Variants in CNN1 observed in about 807,000 individuals in gnomAD.
CNN1 encodes the protein calponin-1.
Under a neutral mutation model 35.3 loss-of-function variants are expected in CNN1, and 21 were observed. The ratio of observed to expected loss-of-function variants is 0.60; its 90% confidence interval spans 0.42 to 0.86. CNN1 has a LOEUF of 0.86. CNN1 is among the 40% of genes least tolerant of loss of function. The probability of loss-of-function intolerance (pLI) is 0.00; values close to 1 mark genes in which losing one functional copy is unlikely to be tolerated. For synonymous variants in CNN1, 164 were observed against 161.8 expected, an observed-to-expected ratio of 1.01 and a Z score of -0.10; for missense variants, 314 against 400.8, an observed-to-expected ratio of 0.78 and a Z score of 1.85.
intron 2 of CNN1, among the ~76,000 whole-genome samples, chr19:11,545,506 G>A (rs143811490): frequency 1.2e-3 from 166 of 134,308 alleles, no homozygotes; most frequent in African/African-American, 4.3e-3. Flanking sequence ...GGAGGGGGGA[G>A]TCTGGAGGGG....
chr19:11,543,758 G>C (rs1460988578), intron 2 of CNN1, among the ~76,000 whole-genome samples: 3 of 147,938 alleles, frequency 2.0e-5, no homozygotes, highest in Admixed American at 6.8e-5. Flanking sequence ...ACTCCAGCTT[G>C]GGTGACAGAG....
chr19:11,546,718 G>T lies in CNN1; in HGVS notation c.229G>T (p.Glu77Ter). 6.2e-7 allele frequency: 1 copy of T among 1,614,168 alleles called. No individual in the cohort carries two copies. Among genetic ancestry groups the T allele is most frequent in the South Asian group, 1.1e-5 (1 of 91,088 alleles). ...GCCAGGCTCCGTGAAGAAGATCAATGAGTCAACCCAAAATTGGCACCAGGT... is the reference window on the plus strand; with the variant it reads ...GCCAGGCTCCGTGAAGAAGATCAATTAGTCAACCCAAAATTGGCACCAGGT... ...LQPGSVKKIN[E>*]STQNWHQLEN... The change falls in exon 3 of 7, where the codon GAG (glutamate) becomes TAG (stop). Residue 77 changes from glutamate (E) to a stop codon, truncating the protein, a stop_gained. Transcript: ENST00000252456. LOFTEE classifies it high-confidence loss of function.
intron 1 of CNN1, chr19:11,539,618 C>T: frequency 1.4e-6 from 1 of 725,260 alleles, no homozygotes; most frequent in South Asian, 1.5e-5. Flanking sequence ...AGGATGGGCT[C>T]AGCTTCTCCC....
Position 11,549,616 on chromosome 19 carries a change from G to A in CNN1, c.715G>A (p.Asp239Asn), listed in dbSNP as rs1468230396. 8 of 1,612,166 alleles carry A rather than the reference G, an allele frequency of 5.0e-6. No homozygotes were observed. Among genetic ancestry groups the A allele is most frequent in the Middle Eastern group, 1.7e-4 (1 of 6,056 alleles). ...GCCGGGGCTGGGCATGGAGCACTGCGACACGCTCAATGTCAGCCTGCAGAT... is the reference window on the plus strand; with the variant it reads ...GCCGGGGCTGGGCATGGAGCACTGCAACACGCTCAATGTCAGCCTGCAGAT... Reference protein sequence around the residue: ...FEPGLGMEHCDTLNVSLQMGS... With the variant: ...FEPGLGMEHCNTLNVSLQMGS... The change falls in exon 7 of 7, where the codon GAC (aspartate) becomes AAC (asparagine). Residue 239 changes from aspartate to asparagine, a missense_variant. Physicochemically the swap from Asp to Asn is conservative, Grantham distance 23 (BLOSUM62 1). Coordinates refer to ENST00000252456, the MANE Select transcript of CNN1 (RefSeq NM_001299.6). This position sits in a 1 kb window ranked among gnomAD's most constrained non-coding sequence, Gnocchi z 5.2.
chr19:11,541,714 C>T (rs1291516497), intron 2 of CNN1, among the ~76,000 whole-genome samples: 3 of 151,886 alleles, frequency 2.0e-5, no homozygotes, highest in Admixed American at 2.0e-4. Context: ...TCAGCCTCCC[C>T]AATAGCTGGG....
At chr19:11,545,673 G>A (rs1802867551) in intron 2 of CNN1, among the ~76,000 whole-genome samples, 2 of 151,778 alleles carry the variant, frequency 1.3e-5, no homozygotes, top group South Asian at 4.2e-4. Context: ...CACTGAATGA[G>A]GCCAGGTGCT....
rs1180515004 is a variant in CNN1 at position 11,538,970 on chromosome 19, T to A, written c.43T>A (p.Ser15Thr). The change falls in exon 1 of 7, where the codon TCA becomes ACA. Residue 15 changes from serine (S) to threonine (T), a missense_variant. By Grantham distance (58) the Ser-to-Thr change is moderately conservative (BLOSUM62 1). Transcript: ENST00000252456. The part of the protein sequence containing the change: ...HFNRGPAYGL[S>T]AEVKNKLAQK... The stretch of plus-strand genomic sequence containing the variant: ...CAACCGAGGCCCTGCCTACGGGCTG[T>A]CAGCCGAGGTTAAGAACAAGGTAGG... 6.3e-7 allele frequency: 1 copy of A among 1,596,082 alleles called. No homozygotes were observed. Among genetic ancestry groups the A allele is most frequent in the Non-Finnish European group, 8.5e-7 (1 of 1,169,772 alleles).
chr19:11,538,934 T>C lies in CNN1; in HGVS notation c.7T>C (p.Ser3Pro). 1 of 1,591,926 alleles carries C rather than the reference T, an allele frequency of 6.3e-7. No homozygotes were observed. Among genetic ancestry groups the C allele is most frequent in the Non-Finnish European group, 8.6e-7 (1 of 1,167,692 alleles). Residue 3 changes from serine to proline, a missense_variant, in exon 1 of 7, where the codon TCT becomes CCT. By Grantham distance (74) the Ser-to-Pro change is moderately conservative. Transcript: ENST00000252456. MSSAHFNRGPAYG... is the reference protein window; with the variant it reads MSPAHFNRGPAYG... ...CCAGAGCCCACCGGCCAGCATGTCC[T>C]CTGCTCACTTCAACCGAGGCCCTGC...
In CNN1 at chr19:11,541,083, A is replaced by C; in HGVS notation, c.71A>C (p.Gln24Pro). 3.1e-6 allele frequency: 5 copies of C among 1,608,980 alleles called. No homozygotes were observed. Among genetic ancestry groups the C allele is most frequent in the Non-Finnish European group, 3.4e-6 (4 of 1,177,506 alleles). Reference sequence around the variant, plus strand: ...GCCCTCCCCTCGCCCCAGCTGGCCCAGAAGTATGACCACCAGCGGGAGCAG... The same window carrying C: ...GCCCTCCCCTCGCCCCAGCTGGCCCCGAAGTATGACCACCAGCGGGAGCAG... Reference protein sequence around the residue: ...LSAEVKNKLAQKYDHQREQEL... With the variant: ...LSAEVKNKLAPKYDHQREQEL... The change falls in exon 2 of 7, where the codon CAG becomes CCG. Residue 24 changes from glutamine (Q) to proline (P), a missense_variant. Transcript: ENST00000252456.
chr19:11,546,800 C>A (rs1223840673), intron 3 of CNN1, 32 bp from the exon 4 acceptor site: 4 of 1,614,144 alleles, frequency 2.5e-6, no homozygotes, highest in Non-Finnish European at 2.5e-6. Context: ...CCTCCCCTCC[C>A]CACCCAGTGA....
chr19:11,547,405 A>C (rs972528481), intron 4 of CNN1, among the ~76,000 whole-genome samples: 6 of 148,980 alleles, frequency 4.0e-5, no homozygotes, highest in Non-Finnish European at 5.9e-5. Flanking sequence ...AAAAAAAAAA[A>C]AACAAAAAAC....
intron 2 of CNN1, among the ~76,000 whole-genome samples, chr19:11,543,132 G>C (rs985532817): frequency 6.6e-6 from 1 of 152,166 alleles, no homozygotes; most frequent in Non-Finnish European, 1.5e-5. Flanking sequence ...CTGCTCAGAC[G>C]TCAAACAGTG....
Position 11,549,207 on chromosome 19 carries a change from A to T in CNN1, c.502-116A>T. Reference sequence around the variant, plus strand: ...CGTCTCAAAAAAAAATAAATAAAATAAAATAAAAATTGAAAAAAATGATAA... The same window carrying T: ...CGTCTCAAAAAAAAATAAATAAAATTAAATAAAAATTGAAAAAAATGATAA... On this transcript the variant is annotated intron_variant, in intron 5 of 6. Coordinates refer to ENST00000252456, the MANE Select transcript of CNN1 (RefSeq NM_001299.6). The surrounding 1 kb of genome is among the most constrained non-coding windows in gnomAD (Gnocchi z 5.2). 1 of 1,170,978 alleles carries T rather than the reference A, an allele frequency of 8.5e-7. No homozygotes were observed. The highest frequency in any genetic ancestry group is 1.2e-6 in the Non-Finnish European group (1 of 862,420). The allele number at this position is 1,170,978 out of a possible 1,614,324, so 72.5% of individuals were successfully genotyped here.
In CNN1 at chr19:11,549,481, C is replaced by T. The variant is rs1490278286; in HGVS notation, c.648+12C>T. 1 of 1,612,292 alleles carries T rather than the reference C, an allele frequency of 6.2e-7. No homozygotes were observed. Among genetic ancestry groups the T allele is most frequent in the South Asian group, 1.1e-5 (1 of 90,966 alleles). ...AAGGAGCCAGCCAGGTGAGTGGGGG[C>T]CCCCGGGACACGCCGTCAAGGCCCA... On this transcript the variant is annotated intron_variant, in intron 6 of 6. Transcript: ENST00000252456. The surrounding 1 kb of genome is among the most constrained non-coding windows in gnomAD (Gnocchi z 5.2).
chr19:11,540,831 A>G, intron 1 of CNN1: 1 of 422,212 alleles, frequency 2.4e-6, no homozygotes, highest in South Asian at 3.7e-5. Flanking sequence ...CCCCTCATCT[A>G]CATTCCCTGG....
Position 11,549,203 on chromosome 19 carries a change from A to T in CNN1, c.502-120A>T. 4 of 1,144,442 alleles carry T rather than the reference A, an allele frequency of 3.5e-6. No individual in the cohort carries two copies. The highest frequency in any genetic ancestry group is 4.8e-6 in the Non-Finnish European group (4 of 840,946). 70.9% of individuals were successfully genotyped at this position (1,144,442 alleles called of 1,614,324 possible). The stretch of plus-strand genomic sequence containing the variant: ...ACTCCGTCTCAAAAAAAAATAAATA[A>T]AATAAAATAAAAATTGAAAAAAATG... On this transcript the variant is annotated intron_variant, in intron 5 of 6. Transcript: ENST00000252456. The surrounding 1 kb of genome is among the most constrained non-coding windows in gnomAD (Gnocchi z 5.2).
rs1972695798 is a variant in CNN1, at chr19:11,550,267, A to T, written c.*472A>T. 1 of 160,020 alleles carries T rather than the reference A, an allele frequency of 6.2e-6. No individual in the cohort carries two copies. The highest frequency in any genetic ancestry group is 1.4e-5 in the Non-Finnish European group (1 of 73,300). The allele number at this position is 160,020 out of a possible 1,614,324, so 9.9% of individuals were successfully genotyped here. Reference sequence around the variant, plus strand: ...GGATGTGACAGTGGCGTTTGTAATGAGAGCACTTTCTTTTTTTTCTATTTC... The same window carrying T: ...GGATGTGACAGTGGCGTTTGTAATGTGAGCACTTTCTTTTTTTTCTATTTC... On this transcript the variant is annotated 3_prime_UTR_variant, in exon 7 of 7. Transcript: ENST00000252456.
chr19:11,539,342 T>C (rs1204585509), intron 1 of CNN1: 5 of 1,081,180 alleles, frequency 4.6e-6, no homozygotes, highest in South Asian at 2.7e-5. Context: ...GACAAAGAAA[T>C]TGGGGAGCGC....
In CNN1 at chr19:11,547,913, G is replaced by A. The variant is rs370232485; in HGVS notation, c.501+6G>A. 1.1e-5 allele frequency: 18 copies of A among 1,610,572 alleles called. No homozygotes were observed. The highest frequency in any genetic ancestry group is 8.0e-5 in the African/African-American group (6 of 74,928). On this transcript the variant is annotated splice_donor_region_variant and intron_variant, in intron 5 of 6. Transcript: ENST00000252456. ...GGAACATCATTGGGCTGCAGGTACCGCCCTGTCCTCACTGCGCAGAGGTCA... is the reference window on the plus strand; with the variant it reads ...GGAACATCATTGGGCTGCAGGTACCACCCTGTCCTCACTGCGCAGAGGTCA...
Sources: allele counts gnomAD v4.1 joint callset (sites outside exome capture counted in the v4.1 genomes callset), GRCh38; gene constraint gnomAD v4.1.1; non-coding constraint Gnocchi (gnomAD v3.1); transcripts MANE v1.5; gene names NCBI Gene and HGNC (gene_info 2026-07-23, HGNC 2026-07-21).